PIP4K2B: variants seen among roughly 807,000 people sequenced by gnomAD.
PIP4K2B encodes phosphatidylinositol-5-phosphate 4-kinase type 2 beta, also known as phosphatidylinositol 5-phosphate 4-kinase type-2 beta.
In PIP4K2B, 3 loss-of-function variants were observed where a neutral mutation model predicts 42.0. The observed-to-expected ratio is 0.07, with a 90% CI of 0.03 to 0.18. PIP4K2B has a LOEUF of 0.18. PIP4K2B is among the 10% of genes least tolerant of loss of function. PIP4K2B has a pLI of 1.00. For synonymous variants in PIP4K2B, 204 were observed against 210.1 expected (o/e 0.97, Z 0.25); for missense variants, 332 against 562.3 (o/e 0.59, Z 4.14).
chr17:38,791,684 C>T (rs1022376032), intron 1 of PIP4K2B, among the ~76,000 whole-genome samples: 5 of 149,472 alleles, frequency 3.3e-5, no homozygotes, highest in African/African-American at 4.9e-5. Context: ...GCTAGGATTA[C>T]AGGCGTGAGC....
rs1371185868 is a variant in PIP4K2B at position 38,780,679 on chromosome 17, G to C, written c.355-75C>G. The C allele has an allele frequency of 2.1e-6, 3 of 1,448,254 alleles. No individual in the cohort carries two copies. The African/African-American group carries it at 4.2e-5, about 20-fold the overall frequency. The allele number at this position is 1,448,254 out of a possible 1,614,324, so 89.7% of individuals were successfully genotyped here. On this transcript the variant is annotated intron_variant, in intron 3 of 9. Coordinates refer to ENST00000619039, the MANE Select transcript of PIP4K2B (RefSeq NM_003559.5). ...TGACTTTCGCTGAGTCTTCCCTCAG[G>C]GGCTGGACTGCTTGAAAGCCAACAA... is the stretch of plus-strand genomic sequence containing the variant.
At chr17:38,783,087 CG>C (rs1379191188) in intron 3 of PIP4K2B, among the ~76,000 whole-genome samples, 1 of 142,880 alleles carries the variant, frequency 7.0e-6, no homozygotes, top group East Asian at 2.1e-4. Context: ...CCCAGCTACT[CG>C]GGAGGCTGAG....
chr17:38,776,101 G>C (rs1031895888), intron 7 of PIP4K2B: 1 of 429,378 alleles, frequency 2.3e-6, no homozygotes, highest in Non-Finnish European at 4.6e-6. Context: ...CTCCCAAGTA[G>C]CTGGGATTAC....
intron 1 of PIP4K2B, among the ~76,000 whole-genome samples, chr17:38,793,834 T>C (rs1232973610): frequency 1.3e-5 from 2 of 151,160 alleles, no homozygotes; most frequent in Non-Finnish European, 2.9e-5. Context: ...ATTGTGCCAC[T>C]GCACTTCAGC....
chr17:38,783,671 G>A (rs540582029), intron 3 of PIP4K2B, among the ~76,000 whole-genome samples: 1 of 151,794 alleles, frequency 6.6e-6, no homozygotes, highest in Non-Finnish European at 1.5e-5. Flanking sequence ...CGTGATCTCA[G>A]CTCGCTGCAA....
At chr17:38,783,190 C>A (rs1404312774) in intron 3 of PIP4K2B, among the ~76,000 whole-genome samples, 1 of 76,010 alleles carries the variant, frequency 1.3e-5, no homozygotes. Flanking sequence ...AGTGAAACTC[C>A]ATCTCAAAAA....
intron 5 of PIP4K2B, among the ~76,000 whole-genome samples, chr17:38,779,057 G>A (rs1026988887): frequency 1.1e-4 from 16 of 152,246 alleles, no homozygotes; most frequent in African/African-American, 3.9e-4. Context: ...GTCTAGAGAT[G>A]CACTTGTGCT....
At chr17:38,779,814 A>C (rs1909596397) in intron 4 of PIP4K2B, 2 of 386,988 alleles carry the variant, frequency 5.2e-6, no homozygotes, top group Admixed American at 3.9e-5. Flanking sequence ...ATTTTGTTTA[A>C]AGTAGGATTC....
intron 1 of PIP4K2B, among the ~76,000 whole-genome samples, chr17:38,794,480 C>A: frequency 6.8e-6 from 1 of 146,370 alleles, no homozygotes; most frequent in Non-Finnish European, 1.5e-5. Context: ...GTTAAATGTT[C>A]TGACCACAAT....
intron 1 of PIP4K2B, among the ~76,000 whole-genome samples, chr17:38,788,374 G>A (rs1161596025): frequency 6.6e-6 from 1 of 151,970 alleles, no homozygotes; most frequent in African/African-American, 2.4e-5. Context: ...CTAATTTTTT[G>A]TATTTTTAGT....
intron 2 of PIP4K2B, among the ~76,000 whole-genome samples, chr17:38,785,868 CT>C (rs1170683030): frequency 6.6e-6 from 1 of 152,210 alleles, no homozygotes; most frequent in Non-Finnish European, 1.5e-5. Flanking sequence ...ACCCGGACCT[CT>C]GAGTCAGAAC....
At chr17:38,779,134 A>C (rs1909537567) in intron 5 of PIP4K2B, among the ~76,000 whole-genome samples, 1 of 152,228 alleles carries the variant, frequency 6.6e-6, no homozygotes, top group South Asian at 2.1e-4. Flanking sequence ...CACTGTGCAC[A>C]TTCCACAGAC....
chr17:38,779,929 C>A (rs908599211), intron 4 of PIP4K2B: 7 of 208,554 alleles, frequency 3.4e-5, no homozygotes, highest in African/African-American at 1.6e-4. Flanking sequence ...AGGGATCCAG[C>A]CATCTGGGAG....
intron 6 of PIP4K2B, among the ~76,000 whole-genome samples, chr17:38,778,129 T>C (rs955405391): frequency 1.3e-5 from 2 of 152,090 alleles, no homozygotes; most frequent in East Asian, 3.9e-4. Flanking sequence ...AAGAACGTAG[T>C]GAGGGCAGAG....
At chr17:38,789,475 G>A (rs1910228013) in intron 1 of PIP4K2B, among the ~76,000 whole-genome samples, 1 of 152,158 alleles carries the variant, frequency 6.6e-6, no homozygotes, top group Admixed American at 6.5e-5. Context: ...GGGGGAGGGG[G>A]CACAGCCTTG....
intron 1 of PIP4K2B, among the ~76,000 whole-genome samples, chr17:38,790,425 G>A (rs1291326204): frequency 3.3e-5 from 5 of 152,162 alleles, no homozygotes; most frequent in African/African-American, 7.2e-5. Context: ...AGTGGCTCAC[G>A]CCTATAATCC....
rs112990699 is a variant in PIP4K2B at position 38,773,418 on chromosome 17, C to A, written c.808-2146G>T. 1.2e-3 allele frequency among the ~76,000 whole-genome samples: 177 copies of A among 152,250 alleles called. 1 individual carries two copies. The highest frequency in any genetic ancestry group is 6.8e-3 in the Middle Eastern group (2 of 294). ...GCATCATGTGACTCCCCTTGCCAAG[C>A]CTTAGTTTTCTCATCTGTATAATGG... On this transcript the variant is annotated intron_variant, in intron 7 of 9. Coordinates refer to ENST00000619039, the MANE Select transcript of PIP4K2B (RefSeq NM_003559.5).
intron 1 of PIP4K2B, among the ~76,000 whole-genome samples, chr17:38,794,036 C>T (rs748692706): frequency 6.6e-6 from 1 of 152,116 alleles, no homozygotes; most frequent in Non-Finnish European, 1.5e-5. Flanking sequence ...AATGTAAGAA[C>T]TAAAACTATA....
At chr17:38,778,739 C>T (rs1020079211) in intron 5 of PIP4K2B, among the ~76,000 whole-genome samples, 44 of 152,268 alleles carry the variant, frequency 2.9e-4, no homozygotes, top group African/African-American at 1.0e-3. Context: ...CACACGGGCC[C>T]GGCCTGGGGA....
Sources: gnomAD v4.1 joint callset for allele counts (sites outside exome capture counted in the v4.1 genomes callset) on GRCh38, gnomAD v4.1.1 for gene constraint, MANE v1.5 for transcripts, NCBI Gene and HGNC (gene_info 2026-07-23, HGNC 2026-07-21) for gene names.